Variants in ZNF704 observed in about 807,000 individuals in gnomAD.
ZNF704 encodes zinc finger protein 704.
Under a neutral mutation model 44.7 loss-of-function variants are expected in ZNF704, and 10 were observed. The ratio of observed to expected loss-of-function variants is 0.22; its 90% CI spans 0.14 to 0.38. The LOEUF (loss-of-function observed/expected upper bound fraction) is 0.38. ZNF704 is among the 10% of genes least tolerant of loss of function. The pLI is 1.00. For synonymous variants in ZNF704, 211 were observed against 207.6 expected, an observed-to-expected ratio of 1.02 and a Z score of -0.14; for missense variants, 390 against 545.5, an observed-to-expected ratio of 0.71 and a Z score of 2.84.
chr8:80,660,519 G>T (rs1256685247), intron 6 of ZNF704, among the ~76,000 whole-genome samples: 1 of 150,090 alleles, frequency 6.7e-6, no homozygotes, highest in Non-Finnish European at 1.5e-5. Context: ...CAGTAATAGG[G>T]AAAAAGGTAA....
chr8:80,696,037 CT>C (rs1224441041), intron 2 of ZNF704, among the ~76,000 whole-genome samples: 1 of 152,112 alleles, frequency 6.6e-6, no homozygotes, highest in Non-Finnish European at 1.5e-5. Flanking sequence ...TGTTTAATTT[CT>C]TTTGGTACAC....
At chr8:80,767,011 C>A (rs865941709) in intron 2 of ZNF704, among the ~76,000 whole-genome samples, 5 of 152,106 alleles carry the variant, frequency 3.3e-5, no homozygotes, top group South Asian at 4.1e-4. Context: ...CTGAACCCGG[C>A]GCGTGACTCT....
rs1273655847 is a variant in ZNF704 at position 80,629,673 on chromosome 8, T to G, written c.*11693A>C. 1 of 152,026 alleles carries G rather than the reference T, an allele frequency of 6.6e-6. No individual in the cohort carries two copies. The highest frequency in any genetic ancestry group is 1.5e-5 in the Non-Finnish European group (1 of 68,028). The allele number at this position is 152,026 out of a possible 1,614,324, so 9.4% of individuals were successfully genotyped here. A position where few individuals can be genotyped will look rare whatever the true frequency, so the allele number is the denominator to read the frequency against. ...TATAGACTTTCCAAAATATAAGTAATTTTGAAAAAAGATCAATGATTTGCT... is the reference window on the plus strand; with the variant it reads ...TATAGACTTTCCAAAATATAAGTAAGTTTGAAAAAAGATCAATGATTTGCT... On this transcript the variant is annotated 3_prime_UTR_variant, in exon 9 of 9. Transcript: ENST00000327835.
At chr8:80,746,387 C>T (rs1275716811) in intron 2 of ZNF704, among the ~76,000 whole-genome samples, 1 of 152,138 alleles carries the variant, frequency 6.6e-6, no homozygotes, top group African/African-American at 2.4e-5. Flanking sequence ...TGGTCTATTA[C>T]CCATTGTATT....
intron 7 of ZNF704, among the ~76,000 whole-genome samples, chr8:80,648,988 T>C (rs1817873733): frequency 6.6e-6 from 1 of 152,184 alleles, no homozygotes; most frequent in Non-Finnish European, 1.5e-5. Flanking sequence ...AAGCAAATAC[T>C]CTCTCTCTTA....
At chr8:80,828,557 T>C (rs1377197503) in intron 1 of ZNF704, among the ~76,000 whole-genome samples, 1 of 152,206 alleles carries the variant, frequency 6.6e-6, no homozygotes, top group Non-Finnish European at 1.5e-5. Context: ...AGTGGGGTCA[T>C]CTGTGAAGTC....
rs1585934193 is a variant in ZNF704, at chr8:80,665,005, A to G, written c.737T>C (p.Val246Ala). ...YTEIKLNTDSVADGLSSLAPV... is the reference protein window; with the variant it reads ...YTEIKLNTDSAADGLSSLAPV... ...GGCCAGGCTGCTCAGCCCGTCTGCC[A>G]CTGAGTCTGTGTTGAGCTTGATCTC... Residue 246 changes from valine to alanine, a missense_variant, in exon 6 of 9, where the codon GTG becomes GCG. This residue lies in a region of ZNF704 where 305 missense variants were observed against 435.7 expected (regional missense o/e 0.70). Coordinates refer to ENST00000327835, the MANE Select transcript of ZNF704 (RefSeq NM_001033723.3). 1 of 1,614,240 alleles carries G rather than the reference A, an allele frequency of 6.2e-7. No individual in the cohort carries two copies. Among genetic ancestry groups the G allele is most frequent in the Middle Eastern group, 1.6e-4 (1 of 6,062 alleles).
At chr8:80,771,781 A>C (rs530526490) in intron 2 of ZNF704, among the ~76,000 whole-genome samples, 6 of 152,296 alleles carry the variant, frequency 3.9e-5, no homozygotes, top group Non-Finnish European at 7.4e-5. Context: ...CCTCATTTCC[A>C]ATCATATAGG....
intron 4 of ZNF704, among the ~76,000 whole-genome samples, chr8:80,682,952 A>T (rs1818477179): frequency 6.6e-6 from 1 of 152,228 alleles, no homozygotes; most frequent in Admixed American, 6.5e-5. Context: ...CCAGAATCTG[A>T]CAGAATCAGG....
intron 2 of ZNF704, among the ~76,000 whole-genome samples, chr8:80,761,730 G>C (rs985689601): frequency 1.3e-5 from 2 of 152,130 alleles, no homozygotes; most frequent in Admixed American, 6.5e-5. Flanking sequence ...TAAACACTCA[G>C]GTATACTAAC....
At chr8:80,700,783 T>C (rs1017090682) in intron 2 of ZNF704, among the ~76,000 whole-genome samples, 1 of 146,530 alleles carries the variant, frequency 6.8e-6, no homozygotes, top group Non-Finnish European at 1.5e-5. Context: ...CTGTGTAGAT[T>C]TGAAACTTCC....
intron 4 of ZNF704, among the ~76,000 whole-genome samples, chr8:80,680,641 C>T (rs916395857): frequency 6.6e-5 from 10 of 152,092 alleles, no homozygotes; most frequent in Non-Finnish European, 1.0e-4. Flanking sequence ...TAAATGCGCT[C>T]GTGTATTTAA....
At position 80,815,055 on chromosome 8, in the gene ZNF704, A is replaced by G. The variant is rs117766273; in HGVS notation, c.221+6319T>C. ...TTGCTTGTAGCTCAGATCATTTCCTAACTTTGAACTCAAAGGTCAATGTGT... is the reference window on the plus strand; with the variant it reads ...TTGCTTGTAGCTCAGATCATTTCCTGACTTTGAACTCAAAGGTCAATGTGT... On this transcript the variant is annotated intron_variant, in intron 2 of 8. Transcript: ENST00000327835. Among the ~76,000 whole-genome samples the G allele has an allele frequency of 1.9e-4, 29 of 152,346 alleles. 1 individual carries two copies. In the East Asian group the frequency reaches 5.2e-3, roughly 27 times the overall value.
rs1011808207 is a variant in ZNF704 at position 80,638,754 on chromosome 8, T to C, written c.*2612A>G. 5.9e-5 allele frequency: 9 copies of C among 152,116 alleles called. No homozygotes were observed. Among genetic ancestry groups the C allele is most frequent in the Non-Finnish European group, 1.2e-4 (8 of 68,028 alleles). The allele number at this position is 152,116 out of a possible 1,614,324, so 9.4% of individuals were successfully genotyped here. A position where few individuals can be genotyped will look rare whatever the true frequency, so the allele number is the denominator to read the frequency against. ...TTGGTCCAGGGAATATGTGTCTGTG[T>C]CCAGGAAGGTACTGAGGGTCTGTCT... On this transcript the variant is annotated 3_prime_UTR_variant, in exon 9 of 9. Coordinates refer to ENST00000327835, the MANE Select transcript of ZNF704 (RefSeq NM_001033723.3).
At chr8:80,735,225 T>C (rs886479354) in intron 2 of ZNF704, among the ~76,000 whole-genome samples, 1 of 152,258 alleles carries the variant, frequency 6.6e-6, no homozygotes, top group African/African-American at 2.4e-5. Context: ...GATTCTCTTC[T>C]GGCTTAGGTG....
chr8:80,857,587 A>T (rs1367192412), intron 1 of ZNF704, among the ~76,000 whole-genome samples: 1 of 152,130 alleles, frequency 6.6e-6, no homozygotes, highest in Non-Finnish European at 1.5e-5. Flanking sequence ...AATGACTTTG[A>T]TCATAATGTA....
rs899742668 is a variant in ZNF704, at chr8:80,722,569, A to G, written c.222-29462T>C. Among the ~76,000 whole-genome samples the G allele has an allele frequency of 1.8e-4, 28 of 152,272 alleles. 1 individual carries two copies. Among genetic ancestry groups the G allele is most frequent in the Non-Finnish European group, 8.8e-5 (6 of 68,050 alleles). On this transcript the variant is annotated intron_variant, in intron 2 of 8. Transcript: ENST00000327835. ...AAAGTTATTTAAAAGCAAAAGAAGT[A>G]CATAATCCTTTACATTTAAAAAATA...
chr8:80,750,525 C>CT (rs1404429656), intron 2 of ZNF704, among the ~76,000 whole-genome samples: 2 of 126,430 alleles, frequency 1.6e-5, no homozygotes, highest in Non-Finnish European at 1.6e-5. Flanking sequence ...TTTTTTTTTT[C>CT]TTTTTTTGAG....
At chr8:80,679,302 T>C (rs765694078) in intron 4 of ZNF704, among the ~76,000 whole-genome samples, 1 of 151,974 alleles carries the variant, frequency 6.6e-6, no homozygotes, top group African/African-American at 2.4e-5. Context: ...CCTAACTATA[T>C]CCAGTTGAAA....
Sources: allele counts gnomAD v4.1 joint callset (sites outside exome capture counted in the v4.1 genomes callset), GRCh38; gene constraint gnomAD v4.1.1; regional missense constraint gnomAD v4.1.1; transcripts MANE v1.5; gene names NCBI Gene and HGNC (gene_info 2026-07-23, HGNC 2026-07-21).